The following DCLK1 variants were observed in gnomAD, a reference collection of about 807,000 sequenced individuals.
The protein encoded by DCLK1 is serine/threonine-protein kinase DCLK1.
Under a neutral mutation model 86.2 loss-of-function variants are expected in DCLK1, and 16 were observed. The observed-to-expected ratio is 0.19, with a 90% CI of 0.13 to 0.28. DCLK1 has a LOEUF of 0.28. DCLK1 is among the 10% of genes least tolerant of loss of function. The pLI is 1.00. For missense variants in DCLK1, 590 were observed against 940.2 expected, an observed-to-expected ratio of 0.63 and a Z score of 4.87; for synonymous variants, 369 against 370.5, an observed-to-expected ratio of 1.00 and a Z score of 0.05.
chr13:36,013,192 A>G (rs1234802163), intron 3 of DCLK1, among the ~76,000 whole-genome samples: 1 of 150,830 alleles, frequency 6.6e-6, no homozygotes, highest in Non-Finnish European at 1.5e-5. Context: ...CGTAGCTCAG[A>G]GTAATTTGAT....
At chr13:35,844,923 A>AATTT (rs1870064035) in intron 6 of DCLK1, among the ~76,000 whole-genome samples, 1 of 152,200 alleles carries the variant, frequency 6.6e-6, no homozygotes. Flanking sequence ...TTAAAACCAG[A>AATTT]ATTTGGAACT....
At chr13:35,799,740 T>G (rs184507965) in intron 15 of DCLK1, among the ~76,000 whole-genome samples, 30 of 152,322 alleles carry the variant, frequency 2.0e-4, no homozygotes, top group Admixed American at 7.8e-4. Context: ...CCTAATTATA[T>G]ATAAGAATTT....
chr13:36,058,564 T>C (rs1374144323), intron 3 of DCLK1, among the ~76,000 whole-genome samples: 2 of 151,966 alleles, frequency 1.3e-5, no homozygotes, highest in African/African-American at 4.8e-5. Context: ...ATCTTAGAGG[T>C]CCACAGCTAT....
chr13:35,776,559 A>G (rs2086428164), intron 16 of DCLK1, among the ~76,000 whole-genome samples: 1 of 152,162 alleles, frequency 6.6e-6, no homozygotes, highest in Non-Finnish European at 1.5e-5. Context: ...CCATCCACCC[A>G]GGTTTCTCAT....
At chr13:36,058,927 A>T (rs185636149) in intron 3 of DCLK1, among the ~76,000 whole-genome samples, 1 of 152,330 alleles carries the variant, frequency 6.6e-6, no homozygotes, top group East Asian at 1.9e-4. Context: ...TAATGATCAG[A>T]ATATCTACTG....
At chr13:35,838,018 A>G (rs1190324911) in intron 7 of DCLK1, among the ~76,000 whole-genome samples, 1 of 149,104 alleles carries the variant, frequency 6.7e-6, no homozygotes, top group Non-Finnish European at 1.5e-5. Context: ...GTGAGCTGAG[A>G]TAGTGTCATT....
chr13:36,129,702 G>T (rs563540136), intron 1 of DCLK1, among the ~76,000 whole-genome samples: 51 of 152,320 alleles, frequency 3.3e-4, no homozygotes, highest in African/African-American at 1.1e-3. Context: ...GAGACCATAG[G>T]TGGCCAAGGG....
Position 35,826,605 on chromosome 13 carries a change from A to C in DCLK1, c.1407+1030T>G, listed in dbSNP as rs8000101. On this transcript the variant is annotated intron_variant, in intron 10 of 16. Coordinates refer to ENST00000360631, the MANE Select transcript of DCLK1 (RefSeq NM_001330071.2). ...TAGACTAAAAATAAATTTCACCTATAAATACAAATAACCACTAAGTTAAAA... is the reference window on the plus strand; with the variant it reads ...TAGACTAAAAATAAATTTCACCTATCAATACAAATAACCACTAAGTTAAAA... Among the ~76,000 whole-genome samples the C allele has an allele frequency of 2.0e-5, 3 of 148,014 alleles. No individual in the cohort carries two copies. In the Admixed American group the frequency reaches 2.0e-4, roughly 10 times the overall value.
intron 3 of DCLK1, among the ~76,000 whole-genome samples, chr13:36,019,305 G>A (rs1881670817): frequency 6.6e-6 from 1 of 152,126 alleles, no homozygotes; most frequent in African/African-American, 2.4e-5. Context: ...ACAGAACTCA[G>A]TTTTCAAATA....
chr13:36,115,688 C>T (rs1234726593), intron 2 of DCLK1, among the ~76,000 whole-genome samples: 2 of 151,132 alleles, frequency 1.3e-5, no homozygotes, highest in East Asian at 3.9e-4. Context: ...TTAATGAAGG[C>T]CAAAAACTAA....
rs1037498099 is a variant in DCLK1, at chr13:35,769,399, C to T, written c.*5136G>A. 3 of 152,294 alleles carry T rather than the reference C, an allele frequency of 2.0e-5. No individual in the cohort carries two copies. Among genetic ancestry groups the T allele is most frequent in the Admixed American group, 6.5e-5 (1 of 15,294 alleles). 9.4% of individuals were successfully genotyped at this position (152,294 alleles called of 1,614,324 possible). ...AAATACTGTTGAATTTCACACTCAA[C>T]TAATCCTTTAATAATTTTCTTTCAG... is the stretch of plus-strand genomic sequence containing the variant. On this transcript the variant is annotated 3_prime_UTR_variant, in exon 17 of 17. Coordinates refer to ENST00000360631, the MANE Select transcript of DCLK1 (RefSeq NM_001330071.2).
At chr13:36,052,659 G>A (rs1411669785) in intron 3 of DCLK1, among the ~76,000 whole-genome samples, 8 of 152,154 alleles carry the variant, frequency 5.3e-5, no homozygotes, top group East Asian at 1.9e-4. Flanking sequence ...TAAAGGAGAC[G>A]TATTCAAATT....
intron 3 of DCLK1, among the ~76,000 whole-genome samples, chr13:36,072,858 A>T (rs1884028852): frequency 6.6e-6 from 1 of 152,230 alleles, no homozygotes; most frequent in South Asian, 2.1e-4. Flanking sequence ...ATAGAACTGG[A>T]AATTATGTAA....
At chr13:35,895,232 T>C (rs911632096) in intron 4 of DCLK1, among the ~76,000 whole-genome samples, 2 of 151,578 alleles carry the variant, frequency 1.3e-5, no homozygotes, top group East Asian at 3.9e-4. Context: ...GCTGGGATTA[T>C]AGTCATGAGC....
intron 5 of DCLK1, among the ~76,000 whole-genome samples, chr13:35,866,600 C>T (rs188759258): frequency 1.0e-3 from 157 of 150,762 alleles, no homozygotes; most frequent in African/African-American, 3.6e-3. Flanking sequence ...AACCATCATT[C>T]CAGGCTAATT....
chr13:35,980,544 G>A (rs1043546496), intron 3 of DCLK1, among the ~76,000 whole-genome samples: 1 of 152,142 alleles, frequency 6.6e-6, no homozygotes, highest in Non-Finnish European at 1.5e-5. Context: ...AAAAGTAGAA[G>A]TAGCCCCTTC....
At chr13:36,007,748 C>T (rs758543371) in intron 3 of DCLK1, among the ~76,000 whole-genome samples, 1 of 152,114 alleles carries the variant, frequency 6.6e-6, no homozygotes, top group Non-Finnish European at 1.5e-5. Context: ...AACATTGAAA[C>T]ATAAATCTAT....
intron 4 of DCLK1, among the ~76,000 whole-genome samples, chr13:35,924,509 G>A (rs1875991720): frequency 6.6e-6 from 1 of 152,122 alleles, no homozygotes; most frequent in Admixed American, 6.6e-5. Context: ...ACAATTAGCT[G>A]GGCATGGTGG....
chr13:35,794,149 T>C (rs78827599), intron 15 of DCLK1, among the ~76,000 whole-genome samples: 4,486 of 152,330 alleles, frequency 0.029, 222 homozygotes, highest in African/African-American at 0.1. Flanking sequence ...GGTTCTCTTG[T>C]ACTAAATACT....
Sources: gnomAD v4.1 joint callset for allele counts (sites outside exome capture counted in the v4.1 genomes callset) on GRCh38, gnomAD v4.1.1 for gene constraint, MANE v1.5 for transcripts, NCBI Gene and HGNC (gene_info 2026-07-23, HGNC 2026-07-21) for gene names.